DENND4C: variants seen among roughly 807,000 people sequenced by gnomAD.
The protein encoded by DENND4C is DENN domain containing 4C, also known as DENN domain-containing protein 4C.
A neutral mutation model predicts 203.0 loss-of-function variants in DENND4C; 108 were observed. The observed-to-expected ratio is 0.53, with a 90% CI of 0.46 to 0.62. DENND4C has a LOEUF of 0.62. DENND4C is among the 20% of genes least tolerant of loss of function. DENND4C has a pLI of 0.00. For missense variants in DENND4C, 2,481 were observed against 2,301.2 expected, an observed-to-expected ratio of 1.08 and a Z score of -1.60; for synonymous variants, 871 against 792.4, an observed-to-expected ratio of 1.10 and a Z score of -1.67.
intron 27 of DENND4C, chr9:19,357,755 C>T: frequency 2.2e-6 from 1 of 447,176 alleles, no homozygotes; most frequent in East Asian, 3.2e-5. Context: ...TGTCATCTTC[C>T]CACCCCTCAC....
intron 5 of DENND4C, 114 bp downstream of exon 5, chr9:19,290,990 T>G (rs1282771491): frequency 3.7e-6 from 4 of 1,091,258 alleles, no homozygotes; most frequent in Non-Finnish European, 5.1e-6. Flanking sequence ...ACATTTTGGT[T>G]TAAATTTACA....
intron 20 of DENND4C, 71 bp downstream of exon 20, chr9:19,336,903 C>G: frequency 7.0e-7 from 1 of 1,435,214 alleles, no homozygotes; most frequent in African/African-American, 1.4e-5. Flanking sequence ...CAAAAAGCTT[C>G]TTCCATTCTT....
intron 9 of DENND4C, among the ~76,000 whole-genome samples, chr9:19,301,447 A>G (rs1194492423): frequency 2.0e-5 from 3 of 152,214 alleles, no homozygotes; most frequent in African/African-American, 7.2e-5. Flanking sequence ...TGTTAAAACA[A>G]CAAATGGGGT....
intron 1 of DENND4C, among the ~76,000 whole-genome samples, chr9:19,267,111 A>G (rs1176702902): frequency 2.6e-5 from 4 of 152,176 alleles, no homozygotes; most frequent in East Asian, 1.9e-4. Context: ...AATGTTCTGT[A>G]AGTATCTGTT....
chr9:19,288,799 A>G, intron 4 of DENND4C, 134 bp downstream of exon 4: 2 of 447,050 alleles, frequency 4.5e-6, no homozygotes, highest in Non-Finnish European at 7.3e-6. Context: ...CTATAATTTT[A>G]GCATATAAAG....
At chr9:19,335,433 A>G (rs1271895628) in intron 18 of DENND4C, among the ~76,000 whole-genome samples, 2 of 152,138 alleles carry the variant, frequency 1.3e-5, no homozygotes, top group Non-Finnish European at 2.9e-5. Flanking sequence ...ATGTTGTTCA[A>G]TAGATTTCTT....
At position 19,232,862 on chromosome 9, in the gene DENND4C, T is replaced by G. The variant is rs143076444; in HGVS notation, c.-18+2029T>G. Among the ~76,000 whole-genome samples the G allele has an allele frequency of 7.2e-3, 1,103 of 152,252 alleles. 16 individuals carry two copies. The highest frequency in any genetic ancestry group is 0.026 in the African/African-American group (1,066 of 41,540). ...GGGATTTTACATTATAAATAATAAC[T>G]CAATAAGGCACCTTTCTTTGCTCTT... On this transcript the variant is annotated intron_variant, in intron 1 of 32. Coordinates refer to ENST00000434457, the MANE Select transcript of DENND4C (RefSeq NM_001330640.2).
At chr9:19,276,546 A>C in intron 2 of DENND4C, 67 bp downstream of exon 2, 1 of 947,638 alleles carries the variant, frequency 1.1e-6, no homozygotes, top group Admixed American at 4.3e-5. Context: ...TGGAAGTAGG[A>C]ATTTGAAATC....
chr9:19,295,242 C>T (rs1837195417), intron 5 of DENND4C, among the ~76,000 whole-genome samples: 1 of 151,878 alleles, frequency 6.6e-6, no homozygotes. Flanking sequence ...CGCAGTGGCG[C>T]ACGCCGTAAT....
At chr9:19,280,993 G>A (rs1025119611) in intron 2 of DENND4C, among the ~76,000 whole-genome samples, 5 of 152,070 alleles carry the variant, frequency 3.3e-5, no homozygotes, top group South Asian at 2.1e-4. Context: ...TGCTCACCTC[G>A]GCCTCCCGAA....
chr9:19,343,579 G>T (rs1588957582), intron 22 of DENND4C, among the ~76,000 whole-genome samples: 1 of 152,160 alleles, frequency 6.6e-6, no homozygotes, highest in Non-Finnish European at 1.5e-5. Flanking sequence ...TGTATTTACC[G>T]TGACTCCGAG....
At chr9:19,245,291 A>ACCC (rs1824883334) in intron 1 of DENND4C, among the ~76,000 whole-genome samples, 2 of 150,964 alleles carry the variant, frequency 1.3e-5, no homozygotes, top group Admixed American at 6.6e-5. Context: ...ACAAGGTGAA[A>ACCC]CCCCGCCTCT....
intron 2 of DENND4C, among the ~76,000 whole-genome samples, chr9:19,277,741 A>G (rs1048279394): frequency 2.0e-5 from 3 of 152,154 alleles, no homozygotes; most frequent in African/African-American, 7.2e-5. Context: ...TCCTGATTTT[A>G]GGTGGAAAGC....
chr9:19,341,771 G>C (rs1178119751), intron 21 of DENND4C, among the ~76,000 whole-genome samples: 2 of 152,116 alleles, frequency 1.3e-5, no homozygotes. Context: ...ATTCTAAAAG[G>C]CTCTTTCACT....
chr9:19,322,883 T>C (rs1843123562), intron 12 of DENND4C, among the ~76,000 whole-genome samples: 1 of 152,078 alleles, frequency 6.6e-6, no homozygotes. Flanking sequence ...GCTAATGGGC[T>C]GGGAGTGATG....
At chr9:19,273,142 CAG>C (rs1832116873) in intron 1 of DENND4C, among the ~76,000 whole-genome samples, 1 of 151,688 alleles carries the variant, frequency 6.6e-6, no homozygotes. Flanking sequence ...TTAGTAGAGA[CAG>C]AGTTTCACTA....
chr9:19,233,049 A>AG (rs1309783729), intron 1 of DENND4C, among the ~76,000 whole-genome samples: 7 of 151,876 alleles, frequency 4.6e-5, no homozygotes, highest in Non-Finnish European at 8.8e-5. Context: ...AAAAAAAAAA[A>AG]AAGAAAAATT....
chr9:19,350,980 C>T, intron 24 of DENND4C, 101 bp downstream of exon 24: 1 of 1,254,138 alleles, frequency 8.0e-7, no homozygotes, highest in Non-Finnish European at 1.1e-6. Flanking sequence ...CCAGGCTGGT[C>T]TCGAACTCCT....
chr9:19,355,775 C>CA (rs558884363), intron 26 of DENND4C, among the ~76,000 whole-genome samples: 7 of 151,682 alleles, frequency 4.6e-5, no homozygotes, highest in South Asian at 4.2e-4. Flanking sequence ...TTGAGGTCCT[C>CA]AAAAAAAATC....
Sources: allele counts gnomAD v4.1 joint callset (sites outside exome capture counted in the v4.1 genomes callset), GRCh38; gene constraint gnomAD v4.1.1; transcripts MANE v1.5; gene names NCBI Gene and HGNC (gene_info 2026-07-23, HGNC 2026-07-21).